GTF2A1L: variants seen among roughly 807,000 people sequenced by gnomAD.
GTF2A1L encodes TFIIA-alpha and beta-like factor.
Under a neutral mutation model 49.7 loss-of-function variants are expected in GTF2A1L, and 48 were observed. The ratio of observed to expected loss-of-function variants is 0.97; its 90% confidence interval spans 0.77 to 1.23. The LOEUF is 1.23. Among genes scored for constraint, GTF2A1L ranks in the 50% most tolerant of loss-of-function variants. The probability of loss-of-function intolerance (pLI) is 0.00; values close to 1 mark genes in which losing one functional copy is unlikely to be tolerated. For missense variants in GTF2A1L, 736 were observed against 564.8 expected, an observed-to-expected ratio of 1.30 and a Z score of -3.07; for synonymous variants, 246 against 193.5, an observed-to-expected ratio of 1.27 and a Z score of -2.25.
At chr2:48,622,833 T>TA (rs5830995) in intron 3 of GTF2A1L, among the ~76,000 whole-genome samples, 38,390 of 128,246 alleles carry the variant, frequency 0.3, 5,465 homozygotes, top group South Asian at 0.39. Context: ...GACTCCATCT[T>TA]AAAAAAAAAA....
chr2:48,649,374 C>G (rs10204790), intron 6 of GTF2A1L, among the ~76,000 whole-genome samples: 1 of 151,988 alleles, frequency 6.6e-6, no homozygotes, highest in Non-Finnish European at 1.5e-5. Context: ...CTAATTGTTT[C>G]TCATGTGGGA....
intron 1 of GTF2A1L, among the ~76,000 whole-genome samples, chr2:48,620,264 A>G (rs1036923452): frequency 1.3e-5 from 2 of 152,230 alleles, no homozygotes; most frequent in Non-Finnish European, 2.9e-5. Context: ...GACAATAACC[A>G]TGCATCTTTG....
chr2:48,655,357 T>G lies in GTF2A1L; in HGVS notation c.978+8315T>G, dbSNP rs1251000456. On this transcript the variant is annotated intron_variant, in intron 6 of 8. Transcript: ENST00000403751. ...TATATTTTTATTTTTAATTAGTTAA[T>G]TCATTAGTTTGTAGAGACAGACAGA... Among the ~76,000 whole-genome samples, 4 of 152,204 alleles carry G rather than the reference T, an allele frequency of 2.6e-5. No homozygotes were observed. In the East Asian group the frequency reaches 7.7e-4, roughly 29 times the overall value.
chr2:48,633,290 T>G (rs1676690140), intron 3 of GTF2A1L: 1 of 146,560 alleles, frequency 6.8e-6, no homozygotes, highest in African/African-American at 2.6e-5. Flanking sequence ...CAGTCTGCAA[T>G]CTCCCAGATA....
At chr2:48,647,836 A>G (rs1324217320) in intron 6 of GTF2A1L, among the ~76,000 whole-genome samples, 2 of 152,126 alleles carry the variant, frequency 1.3e-5, no homozygotes, top group East Asian at 3.8e-4. Context: ...ATTTTGGATT[A>G]TAAAAATTAA....
chr2:48,638,578 A>G (rs1049362424), intron 3 of GTF2A1L, among the ~76,000 whole-genome samples: 2 of 152,174 alleles, frequency 1.3e-5, no homozygotes, highest in Non-Finnish European at 2.9e-5. Flanking sequence ...TATACCTCAA[A>G]ATAATACAAG....
At chr2:48,655,562 A>G (rs1301628441) in intron 6 of GTF2A1L, among the ~76,000 whole-genome samples, 4 of 152,154 alleles carry the variant, frequency 2.6e-5, no homozygotes, top group African/African-American at 9.7e-5. Context: ...TTGCCACAAT[A>G]TTTTAAAAAG....
intron 1 of GTF2A1L, among the ~76,000 whole-genome samples, chr2:48,620,019 T>G (rs1195888304): frequency 6.6e-6 from 1 of 152,170 alleles, no homozygotes; most frequent in African/African-American, 2.4e-5. Flanking sequence ...CTTTGTGTAT[T>G]TTGGAAGTGA....
At chr2:48,657,086 A>G (rs182978052) in intron 6 of GTF2A1L, among the ~76,000 whole-genome samples, 6 of 152,150 alleles carry the variant, frequency 3.9e-5, no homozygotes, top group Admixed American at 3.9e-4. Context: ...TTATTTTTTA[A>G]TTTTTATTAT....
At chr2:48,621,327 T>G (rs772003453) in intron 3 of GTF2A1L, 37 bp downstream of exon 3, 4 of 1,613,016 alleles carry the variant, frequency 2.5e-6, no homozygotes, top group Non-Finnish European at 3.4e-6. Context: ...TGTTAGTATC[T>G]TCAGAACAAA....
intron 6 of GTF2A1L, among the ~76,000 whole-genome samples, chr2:48,656,471 C>A (rs1678183171): frequency 7.2e-6 from 1 of 138,570 alleles, no homozygotes; most frequent in South Asian, 2.3e-4. Flanking sequence ...GTTTTATGTT[C>A]TTCTGGCCAC....
intron 6 of GTF2A1L, among the ~76,000 whole-genome samples, chr2:48,652,759 A>C (rs1400013055): frequency 4.1e-5 from 6 of 146,692 alleles, no homozygotes; most frequent in Non-Finnish European, 9.0e-5. Flanking sequence ...CAGTGGTGTG[A>C]TCTCGGCGCA....
chr2:48,660,287 C>G (rs1021888599), intron 6 of GTF2A1L, among the ~76,000 whole-genome samples: 2 of 152,002 alleles, frequency 1.3e-5, no homozygotes, highest in Non-Finnish European at 2.9e-5. Context: ...GTAATGCTGG[C>G]CTCATAAAAT....
chr2:48,623,075 A>G (rs1210471487), intron 3 of GTF2A1L, among the ~76,000 whole-genome samples: 1 of 152,152 alleles, frequency 6.6e-6, no homozygotes, highest in Non-Finnish European at 1.5e-5. Context: ...TTTATAATGA[A>G]GAGGTTTCAG....
chr2:48,671,378 A>G (rs900139231), intron 7 of GTF2A1L, among the ~76,000 whole-genome samples: 3 of 151,108 alleles, frequency 2.0e-5, no homozygotes, highest in African/African-American at 7.3e-5. Context: ...AATTTTTTGT[A>G]TTTTCAGTAG....
In GTF2A1L at chr2:48,625,367, A is replaced by T. The variant is rs193096945; in HGVS notation, c.247+4077A>T. Among the ~76,000 whole-genome samples the T allele has an allele frequency of 4.8e-5, 7 of 144,348 alleles. 1 individual carries two copies. In the East Asian group the frequency reaches 1.4e-3, roughly 28 times the overall value. The allele number at this position is 144,348 out of a possible 152,430, so 94.7% of individuals were successfully genotyped here. On this transcript the variant is annotated intron_variant, in intron 3 of 8. Transcript: ENST00000403751. ...AGCTGTTTTTATGTTGTCTTTGGAA[A>T]AAGATCTATTCAAGTCCTTTGCCAA...
Position 48,642,422 on chromosome 2 carries a change from G to C in GTF2A1L, c.268G>C (p.Gly90Arg). Residue 90 changes from glycine (G) to arginine (R), a missense_variant, in exon 4 of 9, where the codon GGT becomes CGT. Transcript: ENST00000403751. ...TGCAGCATCATTAGTTATTCCTGCT[G>C]GTAGAACTCTTCCAAGTTTTACCAC... The part of the protein sequence containing the change: ...SSTASLVIPA[G>R]RTLPSFTTAE... The C allele has an allele frequency of 6.3e-7, 1 of 1,592,324 alleles. No homozygotes were observed. The highest frequency in any genetic ancestry group is 8.6e-7 in the Non-Finnish European group (1 of 1,165,914).
intron 6 of GTF2A1L, among the ~76,000 whole-genome samples, chr2:48,663,894 T>TA (rs1468174653): frequency 6.6e-5 from 10 of 152,198 alleles, no homozygotes; most frequent in Non-Finnish European, 1.5e-5. Context: ...ATTACAGGCA[T>TA]AAGCCACCAC....
At chr2:48,636,395 G>A (rs1272935542) in intron 3 of GTF2A1L, among the ~76,000 whole-genome samples, 1 of 152,160 alleles carries the variant, frequency 6.6e-6, no homozygotes, top group East Asian at 1.9e-4. Context: ...CTTACCTTAA[G>A]TGAAATATCT....
Sources: gnomAD v4.1 joint callset for allele counts (sites outside exome capture counted in the v4.1 genomes callset) on GRCh38, gnomAD v4.1.1 for gene constraint, MANE v1.5 for transcripts, NCBI Gene and HGNC (gene_info 2026-07-23, HGNC 2026-07-21) for gene names.